The following PCDH11X variants were observed in gnomAD, a reference collection of about 807,000 sequenced individuals.
PCDH11X encodes protocadherin 11 X-linked.
A neutral mutation model predicts 53.3 loss-of-function variants in PCDH11X; 18 were observed. The observed-to-expected ratio is 0.34, with a 90% CI of 0.23 to 0.50. The LOEUF (loss-of-function observed/expected upper bound fraction) is 0.50, where lower values mean the gene tolerates loss of function less well. PCDH11X is among the 20% of genes least tolerant of loss of function. PCDH11X has a pLI of 0.98. For synonymous variants in PCDH11X, 279 were observed against 393.3 expected, an observed-to-expected ratio of 0.71 and a Z score of 3.44; for missense variants, 570 against 1,032.4, an observed-to-expected ratio of 0.55 and a Z score of 6.14.
chrX:92,337,466 C>T (rs1337777064), intron 8 of PCDH11X, among the ~76,000 whole-genome samples: 1 of 109,898 alleles, frequency 9.1e-6, no homozygotes, highest in Non-Finnish European at 1.9e-5. Flanking sequence ...ATTCATAGGT[C>T]ATTCATTCAA....
chrX:91,917,510 C>T (rs1305213074), intron 6 of PCDH11X, among the ~76,000 whole-genome samples: 11 of 69,743 alleles, frequency 1.6e-4, no homozygotes, highest in Non-Finnish European at 2.6e-4. Context: ...CATTGCTATA[C>T]TCTAACAACA....
chrX:91,927,600 C>A (rs894517267), intron 6 of PCDH11X, among the ~76,000 whole-genome samples: 2 of 111,629 alleles, frequency 1.8e-5, no homozygotes, highest in African/African-American at 6.5e-5. Flanking sequence ...ATTTTAGACT[C>A]ACGAAGCTAG....
chrX:92,428,768 A>T (rs1417560158), intron 9 of PCDH11X, among the ~76,000 whole-genome samples: 4 of 111,309 alleles, frequency 3.6e-5, no homozygotes, highest in African/African-American at 1.3e-4. Context: ...AGCCTGTACC[A>T]CAACTGTCAA....
chrX:92,610,601 A>G (rs945216331), intron 10 of PCDH11X, among the ~76,000 whole-genome samples: 5 of 110,230 alleles, frequency 4.5e-5, no homozygotes. Context: ...TAGTTTAATT[A>G]GGTCCCATTT....
chrX:92,260,729 T>C (rs976530347), intron 7 of PCDH11X, among the ~76,000 whole-genome samples: 1 of 111,738 alleles, frequency 8.9e-6, no homozygotes, highest in Non-Finnish European at 1.9e-5. Context: ...GTCCCTCTTT[T>C]TCATTAGTTG....
chrX:92,012,380 T>C (rs2062707081), intron 6 of PCDH11X, among the ~76,000 whole-genome samples: 2 of 110,579 alleles, frequency 1.8e-5, no homozygotes, highest in African/African-American at 3.3e-5. Flanking sequence ...AAAATTATTC[T>C]CAACATCTGT....
intron 10 of PCDH11X, among the ~76,000 whole-genome samples, chrX:92,477,764 A>G (rs1037888869): frequency 1.6e-4 from 17 of 105,475 alleles, no homozygotes; most frequent in Non-Finnish European, 2.9e-4. Context: ...TTGCCTGGGT[A>G]TTATTGCTGG....
At chrX:92,546,594 A>G (rs1276109926) in intron 10 of PCDH11X, among the ~76,000 whole-genome samples, 1 of 111,309 alleles carries the variant, frequency 9.0e-6, no homozygotes, top group East Asian at 2.8e-4. Flanking sequence ...TCTTCTACAA[A>G]TTACAGATGT....
At chrX:92,403,192 C>T (rs1202485267) in intron 9 of PCDH11X, among the ~76,000 whole-genome samples, 2 of 108,736 alleles carry the variant, frequency 1.8e-5, no homozygotes, top group African/African-American at 6.7e-5. Flanking sequence ...TATTAATTTT[C>T]ACCTAGATCT....
Position 92,048,875 on chromosome X carries a change from T to C in PCDH11X, c.3034-152500T>C, listed in dbSNP as rs751135629. Among the ~76,000 whole-genome samples the C allele has an allele frequency of 1.8e-4, 20 of 112,332 alleles. No individual in the cohort carries two copies. The South Asian group carries it at 4.8e-3, about 27-fold the overall frequency. On this transcript the variant is annotated intron_variant, in intron 6 of 10. Transcript: ENST00000682573. ...ATATATTTTAGGAAGACATGAGACA[T>C]CAATCAAATACATTTAAGAAATACA...
chrX:92,335,631 A>G (rs1237902885), intron 8 of PCDH11X, among the ~76,000 whole-genome samples: 2 of 111,056 alleles, frequency 1.8e-5, no homozygotes, highest in East Asian at 5.7e-4. Context: ...TCATCTGTTA[A>G]TGGAGCAGGC....
intron 10 of PCDH11X, among the ~76,000 whole-genome samples, chrX:92,576,049 A>G (rs1437549874): frequency 2.2e-5 from 2 of 93,022 alleles, no homozygotes; most frequent in African/African-American, 7.7e-5. Flanking sequence ...GGTGCTATAT[A>G]TACATATATA....
At chrX:92,002,122 G>A in intron 6 of PCDH11X, among the ~76,000 whole-genome samples, 1 of 107,059 alleles carries the variant, frequency 9.3e-6, no homozygotes, top group Non-Finnish European at 1.9e-5. Flanking sequence ...TGAATATAGG[G>A]ATCCAGTTTT....
intron 6 of PCDH11X, among the ~76,000 whole-genome samples, chrX:92,099,632 T>C (rs995581042): frequency 2.3e-4 from 26 of 111,708 alleles, no homozygotes; most frequent in Non-Finnish European, 4.3e-4. Context: ...TTTTGGCCCA[T>C]AGAAAGCAAA....
chrX:92,415,747 A>G (rs1484905978), intron 9 of PCDH11X, among the ~76,000 whole-genome samples: 4 of 111,651 alleles, frequency 3.6e-5, no homozygotes, highest in Admixed American at 9.6e-5. Context: ...CTATTTAGGT[A>G]CTTCACTAAA....
intron 8 of PCDH11X, among the ~76,000 whole-genome samples, chrX:92,318,322 G>A (rs1433529653): frequency 9.0e-6 from 1 of 111,581 alleles, no homozygotes; most frequent in Non-Finnish European, 1.9e-5. Context: ...TTTTTGCCAT[G>A]CTTTTCTACA....
At chrX:91,952,551 G>A (rs1294594312) in intron 6 of PCDH11X, among the ~76,000 whole-genome samples, 2 of 110,774 alleles carry the variant, frequency 1.8e-5, no homozygotes, top group Non-Finnish European at 3.8e-5. Context: ...ATTGGAAGGG[G>A]AAAAATCATA....
intron 8 of PCDH11X, among the ~76,000 whole-genome samples, chrX:92,291,770 A>G (rs1239130458): frequency 6.4e-5 from 7 of 109,876 alleles, no homozygotes; most frequent in African/African-American, 2.3e-4. Context: ...CATATCTTGG[A>G]CAAGAGCATC....
intron 1 of PCDH11X, among the ~76,000 whole-genome samples, chrX:91,806,385 T>C (rs1157928353): frequency 1.8e-5 from 2 of 113,637 alleles, no homozygotes; most frequent in African/African-American, 3.2e-5. Flanking sequence ...TCTTAAATTC[T>C]CTAAGTGGAG....
Sources: gnomAD v4.1 joint callset for allele counts (sites outside exome capture counted in the v4.1 genomes callset) on GRCh38, gnomAD v4.1.1 for gene constraint, MANE v1.5 for transcripts, NCBI Gene and HGNC (gene_info 2026-07-23, HGNC 2026-07-21) for gene names.